The following TRPS1 variants were observed in gnomAD, a reference collection of about 807,000 sequenced individuals.
TRPS1 encodes transcriptional repressor GATA binding 1, also known as zinc finger transcription factor Trps1.
In TRPS1, 6 loss-of-function variants were observed where a neutral mutation model predicts 101.2. The observed-to-expected ratio is 0.06, with a 90% confidence interval of 0.03 to 0.12. TRPS1 has a LOEUF of 0.12. TRPS1 is among the 10% of genes least tolerant of loss of function. The pLI is 1.00. For synonymous variants in TRPS1, 578 were observed against 589.8 expected (o/e 0.98, Z 0.29); for missense variants, 1,363 against 1,567.0 (o/e 0.87, Z 2.20).
chr8:115,513,245 C>G (rs537687828), intron 5 of TRPS1, among the ~76,000 whole-genome samples: 1 of 151,630 alleles, frequency 6.6e-6, no homozygotes, highest in Non-Finnish European at 1.5e-5. Context: ...ATACCAATGT[C>G]AACAAAATCC....
chr8:115,461,286 T>C (rs557454463), intron 5 of TRPS1, among the ~76,000 whole-genome samples: 9 of 45,928 alleles, frequency 2.0e-4, no homozygotes, highest in South Asian at 9.6e-4. Context: ...GATAGATAGA[T>C]AGATAGATAG....
At chr8:115,546,882 C>T (rs536047367) in intron 5 of TRPS1, among the ~76,000 whole-genome samples, 4 of 152,194 alleles carry the variant, frequency 2.6e-5, no homozygotes, top group South Asian at 4.1e-4. Context: ...GTCACAAGTA[C>T]GGACAAGAGG....
intron 5 of TRPS1, among the ~76,000 whole-genome samples, chr8:115,529,135 C>CA (rs1156305392): frequency 2.0e-5 from 3 of 151,802 alleles, no homozygotes; most frequent in Non-Finnish European, 4.4e-5. Context: ...GAAAAACTGG[C>CA]AAAAAATTGG....
intron 5 of TRPS1, among the ~76,000 whole-genome samples, chr8:115,486,661 G>T (rs901688825): frequency 2.0e-5 from 3 of 152,132 alleles, no homozygotes; most frequent in African/African-American, 7.2e-5. Context: ...TTTAATGGTC[G>T]GGATTGAAGT....
At chr8:115,455,537 G>A (rs1022069773) in intron 5 of TRPS1, among the ~76,000 whole-genome samples, 2 of 152,094 alleles carry the variant, frequency 1.3e-5, no homozygotes, top group African/African-American at 4.8e-5. Flanking sequence ...CTGGACTCAC[G>A]CAGTTAAGAC....
intron 5 of TRPS1, among the ~76,000 whole-genome samples, chr8:115,430,520 C>T (rs1563725920): frequency 6.6e-6 from 1 of 152,098 alleles, no homozygotes; most frequent in Middle Eastern, 3.4e-3. Context: ...ATATGAAGGA[C>T]AGCCATTGTT....
chr8:115,433,249 G>A (rs1247709441), intron 5 of TRPS1, among the ~76,000 whole-genome samples: 2 of 151,870 alleles, frequency 1.3e-5, no homozygotes, highest in Non-Finnish European at 2.9e-5. Context: ...TGTTCGGCCT[G>A]TTAGTAAGGC....
Position 115,619,438 on chromosome 8 carries a change from A to C in TRPS1, c.660T>G (p.Asn220Lys). 6.2e-7 allele frequency: 1 copy of C among 1,614,186 alleles called. No homozygotes were observed. The highest frequency in any genetic ancestry group is 8.5e-7 in the Non-Finnish European group (1 of 1,180,028). Residue 220 changes from asparagine to lysine, a missense_variant, in exon 3 of 7, where the codon AAT becomes AAG. Asn to Lys is a moderately conservative substitution (Grantham distance 94, BLOSUM62 0). Around this residue, in one of 5 missense-constraint regions of TRPS1, gnomAD observed 1,020 missense variants for 1,073.0 expected, o/e 0.95. Transcript: ENST00000395715. ...LNKSKTDLLV[N>K]DNPDPAPLSP... Reference sequence around the variant, plus strand: ...ACAGAGGTGCCGGGTCTGGGTTGTCATTCACCAGTAAGTCAGTTTTGGATT... The same window carrying C: ...ACAGAGGTGCCGGGTCTGGGTTGTCCTTCACCAGTAAGTCAGTTTTGGATT...
intron 5 of TRPS1, among the ~76,000 whole-genome samples, chr8:115,422,519 A>G (rs1003854375): frequency 4.6e-5 from 7 of 152,044 alleles, no homozygotes; most frequent in Non-Finnish European, 1.0e-4. Flanking sequence ...GACGCCCGCC[A>G]CCATGCCTGG....
chr8:115,547,426 C>A (rs1461260173), intron 5 of TRPS1, among the ~76,000 whole-genome samples: 1 of 152,148 alleles, frequency 6.6e-6, no homozygotes, highest in Non-Finnish European at 1.5e-5. Context: ...GCCAGTGAAG[C>A]ATGGGGTTTA....
At position 115,414,347 on chromosome 8, in the gene TRPS1, C is replaced by T. The variant is rs2129746732; in HGVS notation, c.3561G>A (p.Gly1187=). ...LDLAIKHSRP[G]PTANGASKEK... is the part of the protein sequence containing the mutation. ...CCTTGGAGGCACCGTTTGCAGTTGG[C>T]CCAGGTCTGGAATGCTTGATCGCCA... The change falls in exon 7 of 7, where the codon GGG becomes GGA. Residue 1187 remains glycine (G), a synonymous_variant. Transcript: ENST00000395715. The surrounding 1 kb of genome is among the most constrained non-coding windows in gnomAD (Gnocchi z 4.8). 6.2e-7 allele frequency: 1 copy of T among 1,613,940 alleles called. No homozygotes were observed. The highest frequency in any genetic ancestry group is 8.5e-7 in the Non-Finnish European group (1 of 1,179,954).
At chr8:115,543,816 A>G (rs1816510043) in intron 5 of TRPS1, among the ~76,000 whole-genome samples, 1 of 151,260 alleles carries the variant, frequency 6.6e-6, no homozygotes, top group South Asian at 2.1e-4. Context: ...TATCTTATAC[A>G]ATTCTTTGAT....
In TRPS1 at chr8:115,619,827, C is replaced by T. The variant is rs537309291; in HGVS notation, c.271G>A (p.Ala91Thr). The change falls in exon 3 of 7, where the codon GCA becomes ACA. Residue 91 changes from alanine to threonine, a missense_variant. This residue lies in a region of TRPS1 where 1,020 missense variants were observed against 1,073.0 expected (regional missense o/e 0.95). Transcript: ENST00000395715. ...SSSSKKDLKSAVLSEKAGFNY... is the reference protein window; with the variant it reads ...SSSSKKDLKSTVLSEKAGFNY... Reference sequence around the variant, plus strand: ...AAGCCAGCCTTCTCACTCAGAACTGCGCTTTTCAAGTCCTTCTTACTGCTA... The same window carrying T: ...AAGCCAGCCTTCTCACTCAGAACTGTGCTTTTCAAGTCCTTCTTACTGCTA... 17 of 1,614,208 alleles carry T rather than the reference C, an allele frequency of 1.1e-5. 1 individual carries two copies. The South Asian group carries it at 1.5e-4, about 15-fold the overall frequency.
chr8:115,562,431 G>A lies in TRPS1; in HGVS notation c.2700+24570C>T, dbSNP rs1179124353. Reference sequence around the variant, plus strand: ...AGTACTTAATTCAAATCTGTAATTGGAATTATCAAGAATTGTTCCCTCTTC... The same window carrying A: ...AGTACTTAATTCAAATCTGTAATTGAAATTATCAAGAATTGTTCCCTCTTC... On this transcript the variant is annotated intron_variant, in intron 5 of 6. Transcript: ENST00000395715. Among the ~76,000 whole-genome samples, 3 of 149,700 alleles carry A rather than the reference G, an allele frequency of 2.0e-5. No individual in the cohort carries two copies. The Admixed American group carries it at 2.0e-4, about 10-fold the overall frequency.
At chr8:115,421,570 T>C (rs1046999034) in intron 5 of TRPS1, among the ~76,000 whole-genome samples, 3 of 152,162 alleles carry the variant, frequency 2.0e-5, no homozygotes, top group African/African-American at 4.8e-5. Context: ...TAGAATTCAA[T>C]AGGAGCAAGC....
intron 2 of TRPS1, among the ~76,000 whole-genome samples, chr8:115,623,290 C>T (rs767334176): frequency 3.3e-5 from 5 of 151,756 alleles, no homozygotes; most frequent in Non-Finnish European, 7.4e-5. Context: ...GGGGCATGTT[C>T]TTTAGTTGCT....
In TRPS1 at chr8:115,619,649, T is replaced by G; in HGVS notation, c.449A>C (p.Gln150Pro). 2 of 1,614,206 alleles carry G rather than the reference T, an allele frequency of 1.2e-6. No individual in the cohort carries two copies. The highest frequency in any genetic ancestry group is 1.1e-5 in the South Asian group (1 of 91,086). ...SPQRAEADDP[Q>P]DMACTPSGDS... ...CCCTGAGGGGGTGCAGGCCATATCTTGAGGGTCATCTGCCTCTGCTCTTTG... is the reference window on the plus strand; with the variant it reads ...CCCTGAGGGGGTGCAGGCCATATCTGGAGGGTCATCTGCCTCTGCTCTTTG... Residue 150 changes from glutamine (Q) to proline (P), a missense_variant, in exon 3 of 7, where the codon CAA becomes CCA. Gln to Pro is a moderately conservative substitution (Grantham distance 76, BLOSUM62 -1). Around this residue, in one of 5 missense-constraint regions of TRPS1, gnomAD observed 1,020 missense variants for 1,073.0 expected, o/e 0.95. Coordinates refer to ENST00000395715, the MANE Select transcript of TRPS1 (RefSeq NM_014112.5).
chr8:115,473,195 G>A (rs1438579969), intron 5 of TRPS1, among the ~76,000 whole-genome samples: 2 of 152,180 alleles, frequency 1.3e-5, no homozygotes, highest in Non-Finnish European at 2.9e-5. Flanking sequence ...ATAAAGGAAA[G>A]GGGATTAATT....
intron 4 of TRPS1, among the ~76,000 whole-genome samples, chr8:115,594,106 T>C (rs977643802): frequency 1.3e-5 from 2 of 152,072 alleles, no homozygotes; most frequent in African/African-American, 2.4e-5. Context: ...AGAGAAATAT[T>C]AAGATGTACA....
Sources: gnomAD v4.1 joint callset for allele counts (sites outside exome capture counted in the v4.1 genomes callset) on GRCh38, gnomAD v4.1.1 for gene constraint, gnomAD v4.1.1 regional missense constraint, Gnocchi (gnomAD v3.1) non-coding constraint, MANE v1.5 for transcripts, NCBI Gene and HGNC (gene_info 2026-07-23, HGNC 2026-07-21) for gene names.